Variants in CD99 observed in about 807,000 individuals in gnomAD.
CD99 encodes the protein CD99 antigen.
Under a neutral mutation model 28.4 loss-of-function variants are expected in CD99, and 19 were observed. That is an observed-to-expected ratio of 0.67 (90% confidence interval 0.47 to 0.98). The LOEUF is 0.98. Among genes scored for constraint, CD99 ranks in the 50% least tolerant of loss-of-function variants. The pLI is 0.00. For synonymous variants in CD99, 103 were observed against 92.1 expected (o/e 1.12, Z -0.67); for missense variants, 283 against 248.8 (o/e 1.14, Z -0.92).
chrX:2,735,920 T>C (rs2049906779), intron 8 of CD99, among the ~76,000 whole-genome samples: 1 of 151,906 alleles, frequency 6.6e-6, no homozygotes, highest in Non-Finnish European at 1.5e-5. Context: ...GTTACGCTGC[T>C]GGCTTGGCAC....
rs751789379 is a variant in CD99 at position 2,714,788 on chromosome X, G to A, written c.100+334G>A. 5 of 249,680 alleles carry A rather than the reference G, an allele frequency of 2.0e-5. No homozygotes were observed. The East Asian group carries it at 3.0e-4, about 15-fold the overall frequency. 15.5% of individuals were successfully genotyped at this position (249,680 alleles called of 1,614,324 possible). On this transcript the variant is annotated intron_variant, in intron 2 of 9. Transcript: ENST00000381192. ...GCCACAGGGTTGCTGCAGGCCTTCCGTTTGTAAAACACACAGTATTTGCAA... is the reference window on the plus strand; with the variant it reads ...GCCACAGGGTTGCTGCAGGCCTTCCATTTGTAAAACACACAGTATTTGCAA...
rs751403778 is a variant in CD99, at chrX:2,723,357, G to T, written c.354G>T (p.Gly118=). 1 of 1,613,980 alleles carries T rather than the reference G, an allele frequency of 6.2e-7. No homozygotes were observed. The highest frequency in any genetic ancestry group is 8.5e-7 in the Non-Finnish European group (1 of 1,179,868). ...SDGGGSHRKE[G]EEADAPGVIP... The stretch of plus-strand genomic sequence containing the variant: ...GTGGAGGCAGCCACAGGAAAGAAGG[G>T]GAAGAGGGTAGGTGCACCTGGCTTC... The change falls in exon 7 of 10, where the codon GGG becomes GGT. Residue 118 remains glycine, a synonymous_variant. Transcript: ENST00000381192.
At position 2,737,893 on chromosome X, in the gene CD99, T is replaced by G. The variant is rs191052070; in HGVS notation, c.476-307T>G. On this transcript the variant is annotated intron_variant, in intron 8 of 9. Coordinates refer to ENST00000381192, the MANE Select transcript of CD99 (RefSeq NM_002414.5). ...TTTTTTTTTATAGAAAGAGCTTCCA[T>G]GTGCGTGTTCCTCAGTGTTTAGGGA... The G allele has an allele frequency of 1.1e-3, 645 of 565,198 alleles. 3 individuals carry two copies. Among genetic ancestry groups the G allele is most frequent in the African/African-American group, 0.011 (586 of 52,704 alleles). The allele number at this position is 565,198 out of a possible 1,614,324, so 35.0% of individuals were successfully genotyped here.
chrX:2,734,254 A>T (rs1268413365), intron 8 of CD99, among the ~76,000 whole-genome samples: 3 of 130,844 alleles, frequency 2.3e-5, no homozygotes, highest in African/African-American at 5.7e-5. Flanking sequence ...TATTTATTTT[A>T]CTTTTCTTAT....
intron 8 of CD99, among the ~76,000 whole-genome samples, chrX:2,737,134 C>T (rs1467580974): frequency 6.6e-6 from 1 of 151,970 alleles, no homozygotes; most frequent in African/African-American, 2.4e-5. Flanking sequence ...TCCCTAGGTA[C>T]TGAAAAGATG....
intron 8 of CD99, among the ~76,000 whole-genome samples, chrX:2,732,751 C>T (rs1249819058): frequency 6.8e-6 from 1 of 147,006 alleles, no homozygotes; most frequent in Non-Finnish European, 1.5e-5. Context: ...TTCCATCCCT[C>T]CCTCCTTCTT....
At chrX:2,718,454 C>T (rs1443418722) in intron 3 of CD99, among the ~76,000 whole-genome samples, 1 of 152,028 alleles carries the variant, frequency 6.6e-6, no homozygotes, top group South Asian at 2.1e-4. Flanking sequence ...CTGCAAGCTC[C>T]GCTTCCTGGG....
chrX:2,691,532 A>G, intron 1 of CD99, 105 bp downstream of exon 1: 1 of 1,287,064 alleles, frequency 7.8e-7, no homozygotes, highest in Non-Finnish European at 1.1e-6. Flanking sequence ...GGACACCCGG[A>G]GCCTCCTCCC....
intron 1 of CD99, among the ~76,000 whole-genome samples, chrX:2,706,078 A>C (rs2048099790): frequency 6.6e-6 from 1 of 151,072 alleles, no homozygotes; most frequent in African/African-American, 2.4e-5. Flanking sequence ...AAAAAAAAAG[A>C]GCCGGGCGCG....
At chrX:2,727,000 G>A (rs2049323022) in intron 8 of CD99, among the ~76,000 whole-genome samples, 1 of 152,274 alleles carries the variant, frequency 6.6e-6, no homozygotes, top group African/African-American at 2.4e-5. Context: ...AGCCGGGCAT[G>A]GTGGCGGGCG....
At position 2,691,428 on chromosome X, in the gene CD99, G is replaced by C; in HGVS notation, c.67+1G>C. On this transcript the variant is annotated splice_donor_variant, in intron 1 of 9. Transcript: ENST00000381192. LOFTEE classifies it high-confidence loss of function. ...CTGGGTGTTCTGGTCGCCGCCCCGG[G>C]TGAGCGAGCGGAGGGATCCGGGTTG... 6.3e-7 allele frequency: 1 copy of C among 1,582,772 alleles called. No homozygotes were observed. The highest frequency in any genetic ancestry group is 1.1e-5 in the South Asian group (1 of 88,746).
intron 7 of CD99, among the ~76,000 whole-genome samples, chrX:2,724,714 G>A (rs2049181358): frequency 6.6e-6 from 1 of 152,042 alleles, no homozygotes; most frequent in African/African-American, 2.4e-5. Flanking sequence ...AGACCAGCCT[G>A]GCCAAGATGG....
In CD99 at chrX:2,710,867, CT is replaced by C. The variant is rs541519754; in HGVS notation, c.68-3534del. 6.7e-3 allele frequency among the ~76,000 whole-genome samples: 663 copies of C among 99,572 alleles called. 4 individuals carry two copies. Among genetic ancestry groups the C allele is most frequent in the African/African-American group, 0.021 (530 of 24,724 alleles). 65.3% of individuals were successfully genotyped at this position (99,572 alleles called of 152,430 possible). ...TACATATGAAGATATGTAGAGATGA[CT>C]TTTTTTTTTTTTTTTTTTTTGAGAT... On this transcript the variant is annotated intron_variant, in intron 1 of 9. Coordinates refer to ENST00000381192, the MANE Select transcript of CD99 (RefSeq NM_002414.5).
intron 5 of CD99, among the ~76,000 whole-genome samples, chrX:2,720,663 C>T (rs1326598495): frequency 9.3e-6 from 1 of 107,778 alleles, no homozygotes; most frequent in Non-Finnish European, 1.7e-5. Flanking sequence ...CTTGTTCTGT[C>T]ACCCAGGCTG....
intron 1 of CD99, among the ~76,000 whole-genome samples, chrX:2,693,134 T>TTTG (rs1410615728): frequency 1.3e-5 from 2 of 148,288 alleles, no homozygotes; most frequent in African/African-American, 5.1e-5. Context: ...TTTTTTTGTT[T>TTTG]TTGTTGGTGG....
chrX:2,717,584 T>C, intron 2 of CD99, 21 bp from the exon 3 acceptor site: 3 of 1,606,068 alleles, frequency 1.9e-6, no homozygotes, highest in Non-Finnish European at 2.6e-6. Context: ...TTTTACTAAC[T>C]GAAATATCTT....
chrX:2,726,335 T>C lies in CD99; in HGVS notation c.437T>C (p.Ile146Thr), dbSNP rs766386009. 6.2e-7 allele frequency: 1 copy of C among 1,611,934 alleles called. No homozygotes were observed. The highest frequency in any genetic ancestry group is 8.5e-7 in the Non-Finnish European group (1 of 1,179,314). The part of the protein sequence containing the change: ...VAVAGAISSF[I>T]AYQKKKLCFK... The stretch of plus-strand genomic sequence containing the variant: ...GTGGCTGGAGCCATCTCTAGCTTCA[T>C]TGCTTACCAGAAAAAGAAGCTATGC... The change falls in exon 8 of 10, where the codon ATT (isoleucine) becomes ACT (threonine). Residue 146 changes from isoleucine (I) to threonine (T), a missense_variant. Physicochemically the swap from Ile to Thr is moderately conservative, Grantham distance 89. Coordinates refer to ENST00000381192, the MANE Select transcript of CD99 (RefSeq NM_002414.5).
chrX:2,715,333 T>C (rs1478507199), intron 2 of CD99: 1 of 152,200 alleles, frequency 6.6e-6, no homozygotes, highest in African/African-American at 2.4e-5. Context: ...ACAACAGAAG[T>C]CTGAGATCAA....
At chrX:2,692,170 G>C (rs1232872606) in intron 1 of CD99, 1 of 510,970 alleles carries the variant, frequency 2.0e-6, no homozygotes, top group Non-Finnish European at 3.4e-6. Context: ...CTTTAATCAT[G>C]TTTTTCTGTT....
Sources: allele counts gnomAD v4.1 joint callset (sites outside exome capture counted in the v4.1 genomes callset), GRCh38; gene constraint gnomAD v4.1.1; transcripts MANE v1.5; gene names NCBI Gene and HGNC (gene_info 2026-07-23, HGNC 2026-07-21).